The following ANXA13 variants were observed in gnomAD, a reference collection of about 807,000 sequenced individuals.
ANXA13 encodes annexin XIII.
Under a neutral mutation model 46.6 loss-of-function variants are expected in ANXA13, and 36 were observed. The ratio of observed to expected loss-of-function variants is 0.77; its 90% confidence interval spans 0.59 to 1.02. The LOEUF (loss-of-function observed/expected upper bound fraction) is 1.02, where lower values mean the gene tolerates loss of function less well. Ranked by LOEUF, ANXA13 falls within the 50% of genes least tolerant of loss-of-function variation. The pLI, the probability that ANXA13 is intolerant of heterozygous loss-of-function variation, is 0.00. For synonymous variants in ANXA13, 163 were observed against 152.9 expected, an observed-to-expected ratio of 1.07 and a Z score of -0.49; for missense variants, 417 against 396.5, an observed-to-expected ratio of 1.05 and a Z score of -0.44.
intron 1 of ANXA13, among the ~76,000 whole-genome samples, chr8:123,721,455 G>A (rs1238016892): frequency 6.6e-6 from 1 of 152,160 alleles, no homozygotes; most frequent in African/African-American, 2.4e-5. Flanking sequence ...GGGTTGTTAG[G>A]AGAATATGTA....
At position 123,693,228 on chromosome 8, in the gene ANXA13, T is replaced by C; in HGVS notation, c.611A>G (p.Gln204Arg). 6.2e-7 allele frequency: 1 copy of C among 1,614,222 alleles called. No homozygotes were observed. The highest frequency in any genetic ancestry group is 1.1e-5 in the South Asian group (1 of 91,086). Residue 204 changes from glutamine (Q) to arginine (R), a missense_variant, in exon 8 of 11, where the codon CAG becomes CGG. Physicochemically the swap from Gln to Arg is conservative, Grantham distance 43 (BLOSUM62 1). Coordinates refer to ENST00000419625, the MANE Select transcript of ANXA13 (RefSeq NM_004306.4). ...ATAGGCTTGAAAGGTGGCTCGTAAC[T>C]GCTTGTAGCTCCTCTTGGCCAGGAC... The part of the protein sequence containing the change: ...NEVLAKRSYK[Q>R]LRATFQAYQI...
Position 123,690,828 on chromosome 8 carries a change from C to T in ANXA13, c.643-1882G>A, listed in dbSNP as rs1395007799. 6.6e-6 allele frequency among the ~76,000 whole-genome samples: 1 copy of T among 152,196 alleles called. No homozygotes were observed. Among genetic ancestry groups the T allele is most frequent in the East Asian group, 1.9e-4 (1 of 5,186 alleles). On this transcript the variant is annotated intron_variant, in intron 8 of 10. Coordinates refer to ENST00000419625, the MANE Select transcript of ANXA13 (RefSeq NM_004306.4). The surrounding 1 kb of genome is among the most constrained non-coding windows in gnomAD (Gnocchi z 4.6). ...CGCTGACAGCAGAGCCCTCTGTGCT[C>T]TGGCACTGACTATAGCAGTTAGAGG...
At chr8:123,712,474 G>C in intron 2 of ANXA13, 1 of 592,412 alleles carries the variant, frequency 1.7e-6, no homozygotes, top group Non-Finnish European at 3.0e-6. Context: ...ACTCCTAGCT[G>C]TTATATAGAA....
intron 1 of ANXA13, among the ~76,000 whole-genome samples, chr8:123,713,947 G>T (rs1016802182): frequency 1.3e-5 from 2 of 152,106 alleles, no homozygotes; most frequent in Non-Finnish European, 2.9e-5. Context: ...GCCTGCCTTG[G>T]CCTCCCAAAG....
At chr8:123,699,988 T>C (rs1031321099) in intron 3 of ANXA13, among the ~76,000 whole-genome samples, 3 of 152,234 alleles carry the variant, frequency 2.0e-5, no homozygotes, top group Non-Finnish European at 4.4e-5. Flanking sequence ...TCTCCCATGC[T>C]GAAAAAAATT....
intron 4 of ANXA13, among the ~76,000 whole-genome samples, chr8:123,695,962 G>A (rs549872333): frequency 7.6e-6 from 1 of 131,636 alleles, no homozygotes; most frequent in Admixed American, 9.3e-5. Flanking sequence ...AGTGACAAAT[G>A]CATGCATTCT....
chr8:123,681,345 C>A lies in ANXA13; in HGVS notation c.846G>T (p.Gly282=). The stretch of plus-strand genomic sequence containing the variant: ...ACTTCTCTTGGAACTTTGCTTTGAT[C>A]CCCTGAAGGTCCACCTGTAGAAAAA... ...VVTRAEVDLQ[G]IKAKFQEKYQ... Residue 282 remains glycine, a synonymous_variant, in exon 11 of 11, where the codon GGG becomes GGT. Coordinates refer to ENST00000419625, the MANE Select transcript of ANXA13 (RefSeq NM_004306.4). 1 of 1,613,710 alleles carries A rather than the reference C, an allele frequency of 6.2e-7. No homozygotes were observed.
chr8:123,730,240 C>G (rs1814089173), intron 1 of ANXA13, among the ~76,000 whole-genome samples: 1 of 152,198 alleles, frequency 6.6e-6, no homozygotes, highest in African/African-American at 2.4e-5. Context: ...AAAAGCAGCA[C>G]TCAAGTTGTT....
At chr8:123,688,009 G>C (rs1217849830) in intron 9 of ANXA13, among the ~76,000 whole-genome samples, 1 of 152,160 alleles carries the variant, frequency 6.6e-6, no homozygotes, top group Admixed American at 6.6e-5. Context: ...AAATGGAAAA[G>C]GAAACCTGTG....
chr8:123,722,703 G>A (rs959661933), intron 1 of ANXA13, among the ~76,000 whole-genome samples: 4 of 152,114 alleles, frequency 2.6e-5, no homozygotes, highest in African/African-American at 9.7e-5. Flanking sequence ...TGTAAAATGG[G>A]ACTAATACCT....
Position 123,695,467 on chromosome 8 carries a change from A to T in ANXA13, c.471+35T>A, listed in dbSNP as rs142707168. 7.2e-4 allele frequency: 1,108 copies of T among 1,532,542 alleles called. 6 individuals are homozygous for T. The African/African-American group carries it at 7.6e-3, about 10-fold the overall frequency. The allele number at this position is 1,532,542 out of a possible 1,614,324, so 94.9% of individuals were successfully genotyped here. On this transcript the variant is annotated intron_variant, in intron 6 of 10. Transcript: ENST00000419625. The stretch of plus-strand genomic sequence containing the variant: ...CCATGTTGCCAAGGATTCTTTCCTA[A>T]GATGATAAAACAGGTGACACCTCTT...
intron 1 of ANXA13, among the ~76,000 whole-genome samples, chr8:123,726,745 C>A (rs777343470): frequency 6.6e-6 from 1 of 152,222 alleles, no homozygotes; most frequent in Non-Finnish European, 1.5e-5. Context: ...GAAAAAGATA[C>A]TTGCACATGC....
chr8:123,722,347 AAAGAAAGAAAGAAAGAAAG>A (rs1273125123), intron 1 of ANXA13, among the ~76,000 whole-genome samples: 23 of 37,346 alleles, frequency 6.2e-4, no homozygotes, highest in Non-Finnish European at 1.6e-3. Context: ...AAAAGAAAAG[AAAGAAAGAAAGAAAGAAAG>A]AAAGAAAGAA....
intron 9 of ANXA13, among the ~76,000 whole-genome samples, chr8:123,685,220 C>A (rs1416605454): frequency 6.6e-6 from 1 of 152,170 alleles, no homozygotes. Context: ...ATCTCTGAAC[C>A]TTTTCCAGGT....
At chr8:123,735,482 C>T (rs1814239141) in intron 1 of ANXA13, among the ~76,000 whole-genome samples, 1 of 152,114 alleles carries the variant, frequency 6.6e-6, no homozygotes, top group Non-Finnish European at 1.5e-5. Context: ...TCATAGTGGT[C>T]CTGGTGTAGC....
chr8:123,696,005 C>A (rs1813329539), intron 4 of ANXA13, among the ~76,000 whole-genome samples: 1 of 150,818 alleles, frequency 6.6e-6, no homozygotes, highest in Non-Finnish European at 1.5e-5. Flanking sequence ...TACAGCTAGG[C>A]TAACACCTTC....
intron 4 of ANXA13, among the ~76,000 whole-genome samples, chr8:123,697,382 CTCCTCCG>C (rs1813360620): frequency 6.6e-6 from 1 of 152,124 alleles, no homozygotes; most frequent in African/African-American, 2.4e-5. Context: ...TGTGCTAACC[CTCCTCCG>C]AAGCATCATC....
chr8:123,699,966 G>A (rs1314707678), intron 3 of ANXA13, among the ~76,000 whole-genome samples: 1 of 152,194 alleles, frequency 6.6e-6, no homozygotes, highest in Non-Finnish European at 1.5e-5. Context: ...GTCAATAAAT[G>A]CTTATCATTA....
chr8:123,694,153 T>A (rs1377850801), intron 6 of ANXA13, among the ~76,000 whole-genome samples: 1 of 152,164 alleles, frequency 6.6e-6, no homozygotes, highest in East Asian at 1.9e-4. Context: ...TGAGAGCTGG[T>A]CATGGAAGTC....
Sources: gnomAD v4.1 joint callset for allele counts (sites outside exome capture counted in the v4.1 genomes callset) on GRCh38, gnomAD v4.1.1 for gene constraint, Gnocchi (gnomAD v3.1) non-coding constraint, MANE v1.5 for transcripts, NCBI Gene and HGNC (gene_info 2026-07-23, HGNC 2026-07-21) for gene names.